The following ZFAND6 variants were observed in gnomAD, a reference collection of about 807,000 sequenced individuals.
ZFAND6 encodes the protein AN1-type zinc finger protein 6.
Under a neutral mutation model 24.5 loss-of-function variants are expected in ZFAND6, and 12 were observed. The ratio of observed to expected loss-of-function variants is 0.49; its 90% CI spans 0.31 to 0.79. The LOEUF is 0.79. Ranked by LOEUF, ZFAND6 falls within the 30% of genes least tolerant of loss-of-function variation. The pLI is 0.04. For synonymous variants in ZFAND6, 92 were observed against 81.5 expected, an observed-to-expected ratio of 1.13 and a Z score of -0.69; for missense variants, 207 against 245.9, an observed-to-expected ratio of 0.84 and a Z score of 1.06.
upstream of ZFAND6, chr15:80,059,576 G>C (rs564444694): frequency 6.6e-6 from 1 of 152,060 alleles, no homozygotes; most frequent in East Asian, 2.0e-4. Flanking sequence ...GTAATAATTA[G>C]CGGGCGGGCG....
chr15:80,093,259 C>A (rs1028143168), intron 1 of ZFAND6, among the ~76,000 whole-genome samples: 22 of 151,854 alleles, frequency 1.4e-4, no homozygotes, highest in Non-Finnish European at 2.8e-4. Context: ...GCCACCATGC[C>A]CAGGCAGGAC....
chr15:80,127,125 A>G (rs375927117), intron 5 of ZFAND6, among the ~76,000 whole-genome samples: 6 of 152,254 alleles, frequency 3.9e-5, no homozygotes, highest in African/African-American at 1.4e-4. Context: ...AAAAGAGTGG[A>G]AAACCAGCCT....
At position 80,137,627 on chromosome 15, in the gene ZFAND6, G is replaced by T; in HGVS notation, c.626G>T (p.Ter209LeuextTer9). Residue 209 changes from the stop codon to leucine (L), a stop_lost, in exon 7 of 7, where the codon TGA becomes TTA. Coordinates refer to ENST00000261749, the MANE Select transcript of ZFAND6 (RefSeq NM_019006.4). ...VVVGEKIQKI[*>L] The stretch of plus-strand genomic sequence containing the variant: ...GTTGGTGAAAAGATCCAAAAGATTT[G>T]AACTCCTGCTGGAATACAAAATTCT... The T allele has an allele frequency of 6.3e-7, 1 of 1,576,352 alleles. No individual in the cohort carries two copies. The highest frequency in any genetic ancestry group is 1.2e-5 in the South Asian group (1 of 84,160).
At chr15:80,104,807 T>A in intron 2 of ZFAND6, among the ~76,000 whole-genome samples, 1 of 152,222 alleles carries the variant, frequency 6.6e-6, no homozygotes, top group South Asian at 2.1e-4. Flanking sequence ...TTTTATTTAT[T>A]GACAGTATTT....
intron 6 of ZFAND6, among the ~76,000 whole-genome samples, chr15:80,133,207 T>TG (rs2040695108): frequency 1.3e-5 from 2 of 151,534 alleles, no homozygotes; most frequent in Admixed American, 1.3e-4. Context: ...TTGTTTTTTT[T>TG]TTTGAAATGG....
chr15:80,127,864 A>T (rs915933687), intron 5 of ZFAND6, among the ~76,000 whole-genome samples: 1 of 152,210 alleles, frequency 6.6e-6, no homozygotes, highest in Non-Finnish European at 1.5e-5. Context: ...AATTGAAAAC[A>T]TACGTCCACA....
At chr15:80,066,469 T>A (rs572992159) in intron 1 of ZFAND6, among the ~76,000 whole-genome samples, 2 of 151,922 alleles carry the variant, frequency 1.3e-5, no homozygotes, top group Non-Finnish European at 2.9e-5. Flanking sequence ...TGCGCCACCA[T>A]GCCCAGCTAA....
chr15:80,122,661 A>C, intron 4 of ZFAND6, 39 bp from the exon 5 acceptor site: 18 of 1,319,956 alleles, frequency 1.4e-5, no homozygotes, highest in Non-Finnish European at 2.0e-5. Context: ...ATTCATGTGT[A>C]GAGATCACCT....
In ZFAND6 at chr15:80,092,342, A is replaced by T. The variant is rs1388935779; in HGVS notation, c.-180-6074A>T. 3.3e-5 allele frequency among the ~76,000 whole-genome samples: 5 copies of T among 151,912 alleles called. No homozygotes were observed. In the East Asian group the frequency reaches 9.7e-4, roughly 29 times the overall value. On this transcript the variant is annotated intron_variant, in intron 1 of 6. Coordinates refer to ENST00000261749, the MANE Select transcript of ZFAND6 (RefSeq NM_019006.4). ...TCTCTACAGGAAAAAAAAAAAAAAAAAAAGGATTGCTTGAGGACGGGAGGC... is the reference window on the plus strand; with the variant it reads ...TCTCTACAGGAAAAAAAAAAAAAAATAAAGGATTGCTTGAGGACGGGAGGC...
intron 1 of ZFAND6, among the ~76,000 whole-genome samples, chr15:80,083,020 C>T (rs1219446582): frequency 6.6e-6 from 1 of 152,074 alleles, no homozygotes; most frequent in African/African-American, 2.4e-5. Context: ...GAAATGGAGT[C>T]TCACTCTGTC....
At chr15:80,121,577 A>G (rs1036134084) in intron 3 of ZFAND6, 135 bp from the exon 4 acceptor site, 1 of 555,546 alleles carries the variant, frequency 1.8e-6, no homozygotes, top group Non-Finnish European at 2.8e-6. Flanking sequence ...TTTAAAAATA[A>G]TGAACCAACA....
intron 2 of ZFAND6, among the ~76,000 whole-genome samples, chr15:80,113,380 G>A (rs1042620598): frequency 3.3e-5 from 5 of 152,150 alleles, no homozygotes; most frequent in African/African-American, 4.8e-5. Flanking sequence ...AAAATAATAG[G>A]TACTGGCCAA....
intron 6 of ZFAND6, among the ~76,000 whole-genome samples, chr15:80,136,607 G>A (rs140894580): frequency 6.6e-6 from 1 of 152,244 alleles, no homozygotes; most frequent in African/African-American, 2.4e-5. Context: ...TCATTATTAT[G>A]AAGTTACAAA....
At chr15:80,081,386 G>A (rs2037658862) in intron 1 of ZFAND6, among the ~76,000 whole-genome samples, 1 of 152,160 alleles carries the variant, frequency 6.6e-6, no homozygotes, top group African/African-American at 2.4e-5. Flanking sequence ...ATAAGTCAGT[G>A]TTAAAGACTT....
rs546739912 is a variant in ZFAND6, at chr15:80,068,517, G to A, written c.-181+8708G>A. 5.3e-4 allele frequency among the ~76,000 whole-genome samples: 80 copies of A among 152,104 alleles called. 1 individual carries two copies. The highest frequency in any genetic ancestry group is 1.0e-3 in the Non-Finnish European group (69 of 67,966). On this transcript the variant is annotated intron_variant, in intron 1 of 6. Coordinates refer to ENST00000261749, the MANE Select transcript of ZFAND6 (RefSeq NM_019006.4). ...CTCCGGAGTAGCTGGGATTACAGGC[G>A]AGTGCCACCACGCCTGGCTAATTTT... is the stretch of plus-strand genomic sequence containing the variant.
chr15:80,107,773 C>G (rs555129688), intron 2 of ZFAND6, among the ~76,000 whole-genome samples: 44 of 150,522 alleles, frequency 2.9e-4, no homozygotes, highest in African/African-American at 9.7e-4. Context: ...GAGCCAAGAT[C>G]GTGCCACTGC....
At chr15:80,077,964 G>T (rs1165067488) in intron 1 of ZFAND6, among the ~76,000 whole-genome samples, 1 of 152,130 alleles carries the variant, frequency 6.6e-6, no homozygotes, top group Non-Finnish European at 1.5e-5. Flanking sequence ...CTCCCAAAGT[G>T]CTGGGATTAC....
At chr15:80,069,744 G>C (rs2036868334) in intron 1 of ZFAND6, among the ~76,000 whole-genome samples, 1 of 152,084 alleles carries the variant, frequency 6.6e-6, no homozygotes, top group Non-Finnish European at 1.5e-5. Flanking sequence ...AAGTAGCTGG[G>C]ATTACAGGCA....
intron 2 of ZFAND6, among the ~76,000 whole-genome samples, chr15:80,104,157 C>T (rs1200616040): frequency 1.3e-5 from 2 of 151,340 alleles, no homozygotes; most frequent in South Asian, 2.1e-4. Context: ...TTATTTTTAA[C>T]TCTGGCTCCA....
Sources: allele counts gnomAD v4.1 joint callset (sites outside exome capture counted in the v4.1 genomes callset), GRCh38; gene constraint gnomAD v4.1.1; transcripts MANE v1.5; gene names NCBI Gene and HGNC (gene_info 2026-07-23, HGNC 2026-07-21).